The following ACAP2 variants were observed in gnomAD, a reference collection of about 807,000 sequenced individuals.
ACAP2 encodes the protein arf-GAP with coiled-coil, ANK repeat and PH domain-containing protein 2.
A neutral mutation model predicts 115.8 loss-of-function variants in ACAP2; 39 were observed. That is an observed-to-expected ratio of 0.34 (90% CI 0.26 to 0.44). The LOEUF (loss-of-function observed/expected upper bound fraction) is 0.44. Ranked by LOEUF, ACAP2 falls within the 20% of genes least tolerant of loss-of-function variation. The probability of loss-of-function intolerance (pLI) is 1.00; values close to 1 mark genes in which losing one functional copy is unlikely to be tolerated. For synonymous variants in ACAP2, 289 were observed against 315.8 expected, an observed-to-expected ratio of 0.92 and a Z score of 0.90; for missense variants, 662 against 927.6, an observed-to-expected ratio of 0.71 and a Z score of 3.72.
chr3:195,275,144 C>A lies in ACAP2; in HGVS notation c.*4184G>T, dbSNP rs1431396160. 1 of 152,606 alleles carries A rather than the reference C, an allele frequency of 6.6e-6. No homozygotes were observed. Among genetic ancestry groups the A allele is most frequent in the African/African-American group, 2.4e-5 (1 of 41,440 alleles). 9.5% of individuals were successfully genotyped at this position (152,606 alleles called of 1,614,324 possible). A position where few individuals can be genotyped will look rare whatever the true frequency, so the allele number is the denominator to read the frequency against. On this transcript the variant is annotated 3_prime_UTR_variant, in exon 23 of 23. Coordinates refer to ENST00000326793, the MANE Select transcript of ACAP2 (RefSeq NM_012287.6). ...CCAACAATCTTTATAATGTAGCAAG[C>A]TTTCCCTGTTTAATATCCAAAAAAT...
intron 7 of ACAP2, among the ~76,000 whole-genome samples, chr3:195,335,279 A>G (rs1730428945): frequency 6.6e-6 from 1 of 152,172 alleles, no homozygotes; most frequent in South Asian, 2.1e-4. Flanking sequence ...TTTTACAAAA[A>G]ACATGTGCCA....
chr3:195,408,427 G>A (rs140244756), intron 1 of ACAP2, among the ~76,000 whole-genome samples: 86 of 152,216 alleles, frequency 5.6e-4, no homozygotes, highest in African/African-American at 2.0e-3. Flanking sequence ...TTATGCCACT[G>A]GACTCCAGCC....
rs543670942 is a variant in ACAP2 at position 195,442,333 on chromosome 3, A to G, written c.53+462T>C. 10 of 164,848 alleles carry G rather than the reference A, an allele frequency of 6.1e-5. No individual in the cohort carries two copies. The South Asian group carries it at 1.5e-3, about 26-fold the overall frequency. 10.2% of individuals were successfully genotyped at this position (164,848 alleles called of 1,614,324 possible). A position where few individuals can be genotyped will look rare whatever the true frequency, so the allele number is the denominator to read the frequency against. ...AGGGGGGCAGAAAAGCGCAAAGAGGAACTAAATGAACTGCAAGAGGATGCC... is the reference window on the plus strand; with the variant it reads ...AGGGGGGCAGAAAAGCGCAAAGAGGGACTAAATGAACTGCAAGAGGATGCC... On this transcript the variant is annotated intron_variant, in intron 1 of 22. Transcript: ENST00000326793.
At chr3:195,423,665 C>T (rs532990927) in intron 1 of ACAP2, among the ~76,000 whole-genome samples, 28 of 149,408 alleles carry the variant, frequency 1.9e-4, no homozygotes, top group Admixed American at 1.7e-3. Flanking sequence ...TTAAGTTTTG[C>T]AGGCCCTACA....
intron 6 of ACAP2, among the ~76,000 whole-genome samples, chr3:195,340,137 A>C (rs905965509): frequency 1.3e-5 from 2 of 151,494 alleles, no homozygotes; most frequent in African/African-American, 4.9e-5. Context: ...TTAATACTCC[A>C]GACAAGAAAC....
chr3:195,373,036 C>T (rs1390457543), intron 4 of ACAP2, among the ~76,000 whole-genome samples: 2 of 121,878 alleles, frequency 1.6e-5, no homozygotes, highest in Non-Finnish European at 3.4e-5. Context: ...AGTAAAAATG[C>T]TAAAGAAAAA....
intron 17 of ACAP2, 25 bp from the exon 18 acceptor site, chr3:195,294,836 T>C (rs1167600968): frequency 7.0e-7 from 1 of 1,430,474 alleles, no homozygotes; most frequent in Non-Finnish European, 9.8e-7. Context: ...AATTAACTAA[T>C]GATTAAAGTT....
intron 4 of ACAP2, among the ~76,000 whole-genome samples, chr3:195,362,264 C>G (rs576982036): frequency 4.0e-4 from 60 of 148,768 alleles, no homozygotes; most frequent in Non-Finnish European, 7.4e-4. Flanking sequence ...TGCAGTGAGC[C>G]GAGATTGCGC....
At chr3:195,397,708 G>A (rs1195995511) in intron 1 of ACAP2, among the ~76,000 whole-genome samples, 1 of 151,808 alleles carries the variant, frequency 6.6e-6, no homozygotes, top group African/African-American at 2.4e-5. Flanking sequence ...CTAAAACATA[G>A]ATAAACAACA....
intron 1 of ACAP2, chr3:195,410,876 G>A: frequency 4.7e-6 from 1 of 212,328 alleles, no homozygotes; most frequent in Non-Finnish European, 1.0e-5. Flanking sequence ...GGGTCCTAAT[G>A]GTCCCTTTTT....
intron 1 of ACAP2, among the ~76,000 whole-genome samples, chr3:195,393,756 T>C (rs988105508): frequency 6.6e-5 from 10 of 152,252 alleles, no homozygotes; most frequent in African/African-American, 2.2e-4. Context: ...GAAACCTAGA[T>C]GTGCAGCAAT....
intron 10 of ACAP2, among the ~76,000 whole-genome samples, chr3:195,309,267 C>T (rs1289563182): frequency 6.6e-6 from 1 of 152,070 alleles, no homozygotes; most frequent in Non-Finnish European, 1.5e-5. Flanking sequence ...TGTGGCCAGG[C>T]ACGGTGGCTC....
intron 1 of ACAP2, among the ~76,000 whole-genome samples, chr3:195,400,343 A>G (rs823298): frequency 0.17 from 25,791 of 151,902 alleles, 2,433 homozygotes; most frequent in Admixed American, 0.28. Flanking sequence ...CAGGTATATG[A>G]TTTCAATAGT....
rs1560218136 is a variant in ACAP2 at position 195,301,715 on chromosome 3, C to T, written c.1326-71G>A. On this transcript the variant is annotated intron_variant, in intron 14 of 22. Transcript: ENST00000326793. ...CGTATTTGCGCAAGTTCTGTTTTAA[C>T]GTGACACAGGCTCTAATAAAGCCCT... 2.3e-5 allele frequency: 33 copies of T among 1,415,290 alleles called. No individual in the cohort carries two copies. The East Asian group carries it at 6.8e-4, about 29-fold the overall frequency. The allele number at this position is 1,415,290 out of a possible 1,614,324, so 87.7% of individuals were successfully genotyped here.
At chr3:195,376,877 T>C (rs1733582205) in intron 4 of ACAP2, among the ~76,000 whole-genome samples, 1 of 152,220 alleles carries the variant, frequency 6.6e-6, no homozygotes, top group Non-Finnish European at 1.5e-5. Flanking sequence ...CTAGAGAATC[T>C]AATGCAGGTT....
chr3:195,367,119 G>A (rs1732782182), intron 4 of ACAP2, among the ~76,000 whole-genome samples: 1 of 150,718 alleles, frequency 6.6e-6, no homozygotes, highest in Non-Finnish European at 1.5e-5. Context: ...GCCAAACTGT[G>A]CTCTCAAACA....
chr3:195,386,209 T>G (rs948532424), intron 2 of ACAP2, among the ~76,000 whole-genome samples: 1 of 152,074 alleles, frequency 6.6e-6, no homozygotes, highest in Non-Finnish European at 1.5e-5. Context: ...AGAAAGTAGA[T>G]TAGGTTGCCA....
chr3:195,344,159 A>G (rs961235005), intron 5 of ACAP2, among the ~76,000 whole-genome samples: 1 of 152,216 alleles, frequency 6.6e-6, no homozygotes, highest in Non-Finnish European at 1.5e-5. Flanking sequence ...TCGAGGTTAC[A>G]GTGAGTTATT....
At chr3:195,284,606 G>A (rs1440164310) in intron 22 of ACAP2, among the ~76,000 whole-genome samples, 1 of 152,156 alleles carries the variant, frequency 6.6e-6, no homozygotes, top group Non-Finnish European at 1.5e-5. Flanking sequence ...ACGGTCCTCT[G>A]AGGAAAGAAC....
Sources: gnomAD v4.1 joint callset for allele counts (sites outside exome capture counted in the v4.1 genomes callset) on GRCh38, gnomAD v4.1.1 for gene constraint, MANE v1.5 for transcripts, NCBI Gene and HGNC (gene_info 2026-07-23, HGNC 2026-07-21) for gene names.